Variants in DOCK4 observed in about 807,000 individuals in gnomAD.
The protein encoded by DOCK4 is dedicator of cytokinesis protein 4.
In DOCK4, 97 loss-of-function variants were observed where a neutral mutation model predicts 268.1. The ratio of observed to expected loss-of-function variants is 0.36; its 90% CI spans 0.31 to 0.43. The LOEUF is 0.43. DOCK4 is among the 20% of genes least tolerant of loss of function. The pLI is 1.00. For missense variants in DOCK4, 2,145 were observed against 2,455.7 expected (o/e 0.87, Z 2.67); for synonymous variants, 954 against 887.2 (o/e 1.08, Z -1.34).
chr7:112,099,903 G>C (rs171825), intron 1 of DOCK4, among the ~76,000 whole-genome samples: 10,829 of 152,004 alleles, frequency 0.071, 666 homozygotes, highest in East Asian at 0.34. Flanking sequence ...ATAATGAACA[G>C]GTTGTGTTTT....
At chr7:111,793,796 G>A (rs1799710713) in intron 30 of DOCK4, among the ~76,000 whole-genome samples, 1 of 152,070 alleles carries the variant, frequency 6.6e-6, no homozygotes, top group Non-Finnish European at 1.5e-5. Context: ...CAGGAGAATC[G>A]CTTGAGCCCA....
intron 1 of DOCK4, among the ~76,000 whole-genome samples, chr7:112,063,631 T>C (rs909584237): frequency 6.6e-6 from 1 of 152,172 alleles, no homozygotes; most frequent in Non-Finnish European, 1.5e-5. Context: ...TGTAGCATCA[T>C]AAAGTCGAAA....
chr7:112,072,209 C>T (rs2135674097), intron 1 of DOCK4, among the ~76,000 whole-genome samples: 1 of 144,376 alleles, frequency 6.9e-6, no homozygotes, highest in South Asian at 2.2e-4. Context: ...GATTTATTAC[C>T]TCTTTAAAAA....
At chr7:111,810,652 A>C (rs1801055600) in intron 28 of DOCK4, among the ~76,000 whole-genome samples, 1 of 152,050 alleles carries the variant, frequency 6.6e-6, no homozygotes, top group African/African-American at 2.4e-5. Flanking sequence ...AATCAAATGT[A>C]ATTGGTACAA....
At chr7:112,123,395 G>A (rs926091643) in intron 1 of DOCK4, among the ~76,000 whole-genome samples, 11 of 152,066 alleles carry the variant, frequency 7.2e-5, no homozygotes, top group East Asian at 5.8e-4. Context: ...ACCCCAACAC[G>A]GGGATAAGAA....
intron 1 of DOCK4, among the ~76,000 whole-genome samples, chr7:112,030,551 G>A (rs559236374): frequency 1.3e-5 from 2 of 152,050 alleles, no homozygotes; most frequent in African/African-American, 4.8e-5. Flanking sequence ...GTAGTTTGAG[G>A]GTTACAGGCC....
At chr7:111,792,377 T>G (rs1480554391) in intron 30 of DOCK4, among the ~76,000 whole-genome samples, 1 of 151,884 alleles carries the variant, frequency 6.6e-6, no homozygotes, top group African/African-American at 2.4e-5. Flanking sequence ...TTAGAGGGTT[T>G]TTGTTGTTGT....
At chr7:111,740,986 A>C in intron 47 of DOCK4, 108 bp downstream of exon 47, 2 of 1,364,186 alleles carry the variant, frequency 1.5e-6, no homozygotes, top group Non-Finnish European at 2.0e-6. Context: ...TCCTTAAGCC[A>C]AGTTCTTGCT....
chr7:112,193,145 C>T (rs758919004), intron 1 of DOCK4, among the ~76,000 whole-genome samples: 15 of 152,022 alleles, frequency 9.9e-5, no homozygotes, highest in Non-Finnish European at 1.9e-4. Context: ...AAAACTGTAG[C>T]AAAAAGAAAT....
intron 1 of DOCK4, among the ~76,000 whole-genome samples, chr7:112,099,389 C>A (rs1810465494): frequency 6.6e-6 from 1 of 151,786 alleles, no homozygotes; most frequent in South Asian, 2.1e-4. Context: ...ACCCACCACA[C>A]ACATGCGTCT....
chr7:112,153,049 G>A lies in DOCK4; in HGVS notation c.37+53053C>T, dbSNP rs1473156554. ...TAAATTAAAGCCTAAAAAGTTTGGA[G>A]TGGCAAATGAGTAATATTATATCAT... On this transcript the variant is annotated intron_variant, in intron 1 of 52. Transcript: ENST00000428084. Among the ~76,000 whole-genome samples, 5 of 152,220 alleles carry A rather than the reference G, an allele frequency of 3.3e-5. 1 individual carries two copies. Among genetic ancestry groups the A allele is most frequent in the African/African-American group, 1.2e-4 (5 of 41,536 alleles).
intron 52 of DOCK4, among the ~76,000 whole-genome samples, chr7:111,729,451 C>A (rs1794913961): frequency 6.6e-6 from 1 of 152,122 alleles, no homozygotes; most frequent in Non-Finnish European, 1.5e-5. Context: ...CCCAGTTCCT[C>A]TGGGAGGATC....
rs976638827 is a variant in DOCK4 at position 111,732,346 on chromosome 7, G to A, written c.5420-59C>T. Reference sequence around the variant, plus strand: ...AGAAAAACCAGACGATTGACTATCTGCACATGCCCTCTGTGTTACAAACCC... The same window carrying A: ...AGAAAAACCAGACGATTGACTATCTACACATGCCCTCTGTGTTACAAACCC... On this transcript the variant is annotated intron_variant, in intron 51 of 52. Transcript: ENST00000428084. 4 of 1,558,972 alleles carry A rather than the reference G, an allele frequency of 2.6e-6. No individual in the cohort carries two copies. The African/African-American group carries it at 4.1e-5, about 16-fold the overall frequency.
At chr7:111,915,664 C>A in intron 13 of DOCK4, 115 bp downstream of exon 13, 1 of 1,057,832 alleles carries the variant, frequency 9.5e-7, no homozygotes. Context: ...TCATTTCATT[C>A]TTCAGCATGG....
chr7:111,800,867 G>A (rs1204654245), intron 30 of DOCK4, among the ~76,000 whole-genome samples: 1 of 152,130 alleles, frequency 6.6e-6, no homozygotes, highest in Non-Finnish European at 1.5e-5. Context: ...ACAGCAGTTA[G>A]GTTTACGTCT....
chr7:111,934,400 T>G (rs139153168), intron 12 of DOCK4, among the ~76,000 whole-genome samples: 3 of 152,258 alleles, frequency 2.0e-5, no homozygotes, highest in African/African-American at 7.2e-5. Context: ...TTTCTTCACA[T>G]GCCACTGCAA....
At chr7:112,202,316 A>T (rs1189674429) in intron 1 of DOCK4, among the ~76,000 whole-genome samples, 6 of 152,204 alleles carry the variant, frequency 3.9e-5, no homozygotes, top group Admixed American at 1.3e-4. Context: ...ACATGTGCAC[A>T]GCGTTCCCTT....
intron 12 of DOCK4, among the ~76,000 whole-genome samples, chr7:111,926,005 G>T (rs564816336): frequency 1.4e-5 from 2 of 144,236 alleles, no homozygotes; most frequent in African/African-American, 5.3e-5. Context: ...TGAGGCAGGG[G>T]AATCACTTGA....
intron 1 of DOCK4, among the ~76,000 whole-genome samples, chr7:112,084,898 T>C (rs2135732610): frequency 6.6e-6 from 1 of 152,154 alleles, no homozygotes; most frequent in African/African-American, 2.4e-5. Context: ...AGGAAGGTAT[T>C]ATTACCATGT....
Sources: allele counts gnomAD v4.1 joint callset (sites outside exome capture counted in the v4.1 genomes callset), GRCh38; gene constraint gnomAD v4.1.1; transcripts MANE v1.5; gene names NCBI Gene and HGNC (gene_info 2026-07-23, HGNC 2026-07-21).